The following MLLT3 variants were observed in gnomAD, a reference collection of about 807,000 sequenced individuals.
MLLT3 encodes the protein protein AF-9.
MLLT3 carries 4 observed loss-of-function variants against 53.2 expected under a neutral mutation model. That is an observed-to-expected ratio of 0.08 (90% confidence interval 0.04 to 0.17). MLLT3 has a LOEUF of 0.17. Ranked by LOEUF, MLLT3 falls within the 10% of genes least tolerant of loss-of-function variation. MLLT3 has a pLI of 1.00. For synonymous variants in MLLT3, 283 were observed against 230.6 expected (o/e 1.23, Z -2.06); for missense variants, 569 against 684.0 (o/e 0.83, Z 1.87).
At chr9:20,367,267 C>T (rs1821481870) in intron 5 of MLLT3, among the ~76,000 whole-genome samples, 1 of 152,198 alleles carries the variant, frequency 6.6e-6, no homozygotes, top group African/African-American at 2.4e-5. Flanking sequence ...TTCTCCAAAA[C>T]CACTGAAATA....
intron 2 of MLLT3, among the ~76,000 whole-genome samples, chr9:20,586,495 G>A (rs972340720): frequency 6.6e-6 from 1 of 152,022 alleles, no homozygotes; most frequent in African/African-American, 2.4e-5. Context: ...ATCACTGGGG[G>A]GCTTAGGGGT....
At chr9:20,397,156 A>G (rs1340385376) in intron 5 of MLLT3, among the ~76,000 whole-genome samples, 1 of 152,258 alleles carries the variant, frequency 6.6e-6, no homozygotes, top group Non-Finnish European at 1.5e-5. Context: ...GAGTCCTTCT[A>G]GAGTCTGATA....
At chr9:20,550,911 T>C (rs1281463817) in intron 2 of MLLT3, among the ~76,000 whole-genome samples, 1 of 152,086 alleles carries the variant, frequency 6.6e-6, no homozygotes, top group Non-Finnish European at 1.5e-5. Context: ...GCATGTGCCA[T>C]CATGCCCAGC....
intron 2 of MLLT3, among the ~76,000 whole-genome samples, chr9:20,608,969 G>A (rs1820636276): frequency 1.3e-5 from 2 of 151,836 alleles, no homozygotes; most frequent in Admixed American, 6.6e-5. Flanking sequence ...CAAAATGTGG[G>A]GTAAAGATGA....
intron 2 of MLLT3, among the ~76,000 whole-genome samples, chr9:20,579,972 C>G (rs74851211): frequency 3.3e-5 from 5 of 152,254 alleles, no homozygotes; most frequent in South Asian, 2.1e-4. Context: ...TCACCAGACT[C>G]GTGTGAGGTA....
At chr9:20,494,628 G>C (rs5021140) in intron 2 of MLLT3, among the ~76,000 whole-genome samples, 41,266 of 120,822 alleles carry the variant, frequency 0.34, 5,797 homozygotes, top group East Asian at 0.43. Context: ...GTGTTTTCAG[G>C]CTGCCACTTT....
chr9:20,428,924 A>C (rs1321108666), intron 4 of MLLT3, among the ~76,000 whole-genome samples: 3 of 152,162 alleles, frequency 2.0e-5, no homozygotes, highest in Non-Finnish European at 4.4e-5. Flanking sequence ...TGACTCCCCC[A>C]AAAAAATAAA....
chr9:20,589,920 A>G (rs942089704), intron 2 of MLLT3, among the ~76,000 whole-genome samples: 1 of 152,036 alleles, frequency 6.6e-6, no homozygotes, highest in Non-Finnish European at 1.5e-5. Flanking sequence ...CATCTTGGCC[A>G]GGCTGGCCTC....
intron 2 of MLLT3, among the ~76,000 whole-genome samples, chr9:20,510,441 T>C (rs905895445): frequency 6.6e-6 from 1 of 151,968 alleles, no homozygotes; most frequent in African/African-American, 2.4e-5. Context: ...TGAAACCTCA[T>C]CTCTATTAAA....
chr9:20,426,023 G>T (rs1433678328), intron 4 of MLLT3, among the ~76,000 whole-genome samples: 1 of 151,694 alleles, frequency 6.6e-6, no homozygotes, highest in African/African-American at 2.4e-5. Context: ...TTCCTCAAAT[G>T]ACTATGACTT....
At chr9:20,355,753 A>G (rs1177241732) in intron 8 of MLLT3, among the ~76,000 whole-genome samples, 1 of 152,222 alleles carries the variant, frequency 6.6e-6, no homozygotes, top group East Asian at 1.9e-4. Flanking sequence ...ATTATAACTC[A>G]TTATGAAGTG....
intron 5 of MLLT3, among the ~76,000 whole-genome samples, chr9:20,376,458 A>G (rs1303250912): frequency 6.6e-6 from 1 of 152,252 alleles, no homozygotes; most frequent in African/African-American, 2.4e-5. Flanking sequence ...CAGATATAAA[A>G]TCATCCTGGA....
At chr9:20,442,253 C>T (rs1458179337) in intron 4 of MLLT3, among the ~76,000 whole-genome samples, 2 of 152,080 alleles carry the variant, frequency 1.3e-5, no homozygotes, top group Non-Finnish European at 2.9e-5. Flanking sequence ...AAGGCACTCA[C>T]GTACTATTTG....
chr9:20,519,561 G>T (rs1472820750), intron 2 of MLLT3, among the ~76,000 whole-genome samples: 1 of 151,982 alleles, frequency 6.6e-6, no homozygotes, highest in Non-Finnish European at 1.5e-5. Flanking sequence ...CTTTTCAAAA[G>T]AATACATACA....
intron 2 of MLLT3, among the ~76,000 whole-genome samples, chr9:20,556,397 G>T (rs1403608231): frequency 6.6e-6 from 1 of 152,012 alleles, no homozygotes; most frequent in Non-Finnish European, 1.5e-5. Flanking sequence ...AAAAAGTGGG[G>T]GAGAAGGCCA....
At chr9:20,399,241 C>A (rs1033055981) in intron 5 of MLLT3, among the ~76,000 whole-genome samples, 1 of 152,140 alleles carries the variant, frequency 6.6e-6, no homozygotes, top group African/African-American at 2.4e-5. Flanking sequence ...CCAGATTACA[C>A]AGACATATTT....
intron 2 of MLLT3, among the ~76,000 whole-genome samples, chr9:20,526,892 G>A (rs1818217196): frequency 6.6e-6 from 1 of 152,128 alleles, no homozygotes; most frequent in Non-Finnish European, 1.5e-5. Flanking sequence ...TGACTAATGA[G>A]GCTAGGCACC....
At chr9:20,428,751 G>A (rs574081619) in intron 4 of MLLT3, among the ~76,000 whole-genome samples, 55 of 151,996 alleles carry the variant, frequency 3.6e-4, no homozygotes, top group African/African-American at 1.2e-3. Flanking sequence ...CTGAAAGACT[G>A]AATTAAAACA....
intron 10 of MLLT3, among the ~76,000 whole-genome samples, chr9:20,346,981 T>C (rs1046678181): frequency 8.0e-5 from 12 of 149,162 alleles, no homozygotes; most frequent in African/African-American, 3.0e-4. Context: ...TACTTTTACT[T>C]AAGTACAAAC....
Sources: gnomAD v4.1 joint callset for allele counts (sites outside exome capture counted in the v4.1 genomes callset) on GRCh38, gnomAD v4.1.1 for gene constraint, MANE v1.5 for transcripts, NCBI Gene and HGNC (gene_info 2026-07-23, HGNC 2026-07-21) for gene names.